ZBTB38: variants seen among roughly 807,000 people sequenced by gnomAD.
ZBTB38 encodes zinc finger and BTB domain-containing protein 38.
In ZBTB38, 20 loss-of-function variants were observed where a neutral mutation model predicts 76.8. That is an observed-to-expected ratio of 0.26 (90% confidence interval 0.18 to 0.38). The LOEUF is 0.38. ZBTB38 is among the 10% of genes least tolerant of loss of function. The pLI is 1.00. For synonymous variants in ZBTB38, 504 were observed against 544.2 expected, an observed-to-expected ratio of 0.93 and a Z score of 1.03; for missense variants, 1,082 against 1,482.3, an observed-to-expected ratio of 0.73 and a Z score of 4.43.
intron 2 of ZBTB38, among the ~76,000 whole-genome samples, chr3:141,376,882 G>A (rs13068065): frequency 0.31 from 47,265 of 152,072 alleles, 7,927 homozygotes; most frequent in African/African-American, 0.35. Context: ...AGATTGTTCA[G>A]TGGGTCCCAA....
At chr3:141,428,410 A>C (rs2076796515) in intron 5 of ZBTB38, among the ~76,000 whole-genome samples, 1 of 152,196 alleles carries the variant, frequency 6.6e-6, no homozygotes, top group Non-Finnish European at 1.5e-5. Flanking sequence ...CATCTGTACT[A>C]TGAGCATGTT....
At position 141,346,460 on chromosome 3, in the gene ZBTB38, A is replaced by AAATATATAAAAAAAAT. The variant is rs1488489796; in HGVS notation, c.-739+22004_-739+22005insAATATATAAAAAAAAT. 7.2e-5 allele frequency among the ~76,000 whole-genome samples: 11 copies of AAATATATAAAAAAAAT among 151,802 alleles called. No homozygotes were observed. The East Asian group carries it at 2.1e-3, about 29-fold the overall frequency. ...CTTTCTCCTTTCCTCCCTTCTACCC[A>AAATATATAAAAAAAAT]TTTTTGTTATAATTATTTAGAATTA... On this transcript the variant is annotated intron_variant, in intron 1 of 7. Transcript: ENST00000509842.
chr3:141,357,030 C>T (rs1943682551), intron 1 of ZBTB38, among the ~76,000 whole-genome samples: 1 of 151,984 alleles, frequency 6.6e-6, no homozygotes, highest in African/African-American at 2.4e-5. Context: ...TTATATAGAA[C>T]CAATTTGTTT....
intron 1 of ZBTB38, among the ~76,000 whole-genome samples, chr3:141,327,968 G>A (rs1284491855): frequency 6.6e-6 from 1 of 152,194 alleles, no homozygotes; most frequent in African/African-American, 2.4e-5. Context: ...TGCAGAACTA[G>A]GTCATGCCTC....
intron 1 of ZBTB38, among the ~76,000 whole-genome samples, chr3:141,330,565 G>A (rs1942817159): frequency 6.6e-6 from 1 of 152,180 alleles, no homozygotes. Flanking sequence ...CCTTGTTCAG[G>A]GACCTTGTGT....
chr3:141,367,919 G>C (rs1185781523), upstream of ZBTB38, among the ~76,000 whole-genome samples: 1 of 152,092 alleles, frequency 6.6e-6, no homozygotes, highest in East Asian at 1.9e-4. Context: ...CCCCTTTAAA[G>C]AGTGGTCATG....
At chr3:141,376,372 A>C (rs903461323) in intron 2 of ZBTB38, among the ~76,000 whole-genome samples, 5 of 152,158 alleles carry the variant, frequency 3.3e-5, no homozygotes, top group African/African-American at 1.2e-4. Context: ...GCCACCAGGG[A>C]ATTTTGTTGA....
At chr3:141,353,239 T>A (rs2148938302) in intron 1 of ZBTB38, among the ~76,000 whole-genome samples, 1 of 152,188 alleles carries the variant, frequency 6.6e-6, no homozygotes, top group African/African-American at 2.4e-5. Flanking sequence ...CCGCCTCCTC[T>A]TTCTTTCTCT....
In ZBTB38 at chr3:141,417,057, G is replaced by T. The variant is rs79778039; in HGVS notation, c.-1+13026G>T. On this transcript the variant is annotated intron_variant, in intron 5 of 5. Transcript: ENST00000321464. ...TTGATCCAGCAGCACAAGGGAGCTT[G>T]TTAGAAATGAGATTCTGGGGCCTTA... Among the ~76,000 whole-genome samples the T allele has an allele frequency of 8.0e-3, 1,222 of 152,324 alleles. 22 individuals are homozygous for T. Among genetic ancestry groups the T allele is most frequent in the African/African-American group, 0.027 (1,139 of 41,572 alleles).
At chr3:141,377,583 C>G (rs1398681090) in intron 2 of ZBTB38, among the ~76,000 whole-genome samples, 1 of 152,292 alleles carries the variant, frequency 6.6e-6, no homozygotes, top group East Asian at 1.9e-4. Context: ...ACCACGTGAT[C>G]CAGCAATCCT....
At chr3:141,329,997 A>G (rs770412787) in intron 1 of ZBTB38, among the ~76,000 whole-genome samples, 1 of 151,506 alleles carries the variant, frequency 6.6e-6, no homozygotes, top group Non-Finnish European at 1.5e-5. Context: ...TATATTGTAT[A>G]TATATATCAC....
In ZBTB38 at chr3:141,348,410, G is replaced by A. The variant is rs553675234; in HGVS notation, c.-738-20211G>A. On this transcript the variant is annotated intron_variant, in intron 1 of 7. Coordinates refer to the ZBTB38 transcript ENST00000509842. ...TACAGTAAAAGAAATGCTCATAATA[G>A]CTTTGGAACTTGGAAGTAATTATAT... Among the ~76,000 whole-genome samples, 3 of 152,298 alleles carry A rather than the reference G, an allele frequency of 2.0e-5. No individual in the cohort carries two copies. In the East Asian group the frequency reaches 5.8e-4, roughly 29 times the overall value.
At chr3:141,423,165 C>A (rs568831396) in intron 5 of ZBTB38, among the ~76,000 whole-genome samples, 1 of 152,274 alleles carries the variant, frequency 6.6e-6, no homozygotes, top group Non-Finnish European at 1.5e-5. Context: ...CTGAATCTCT[C>A]CAGGCCACTC....
At chr3:141,359,729 G>A (rs767700735) in intron 1 of ZBTB38, among the ~76,000 whole-genome samples, 12 of 152,256 alleles carry the variant, frequency 7.9e-5, no homozygotes, top group Admixed American at 5.2e-4. Context: ...CCAGGAGTTC[G>A]AGACTGGCCT....
upstream of ZBTB38, among the ~76,000 whole-genome samples, chr3:141,364,858 C>A (rs1943919363): frequency 6.6e-6 from 1 of 152,044 alleles, no homozygotes; most frequent in South Asian, 2.1e-4. Flanking sequence ...ATTGTACCCA[C>A]TAGGATGGCT....
chr3:141,374,347 G>A (rs966948559), intron 2 of ZBTB38, among the ~76,000 whole-genome samples: 1 of 152,100 alleles, frequency 6.6e-6, no homozygotes, highest in African/African-American at 2.4e-5. Flanking sequence ...ATTTAACCTG[G>A]GGTTCACTGA....
chr3:141,443,023 C>T lies in ZBTB38; in HGVS notation c.635C>T (p.Ala212Val). Reference sequence around the variant, plus strand: ...GAGAGGACGGACGTCTGCCACGAGGCAGAGCCTGTCCGCACACTTGCCGAG... The same window carrying T: ...GAGAGGACGGACGTCTGCCACGAGGTAGAGCCTGTCCGCACACTTGCCGAG... ...CLERTDVCHE[A>V]EPVRTLAEHS... The change falls in exon 6 of 6, where the codon GCA (alanine) becomes GTA (valine). Residue 212 changes from alanine to valine, a missense_variant. Ala to Val is a moderately conservative substitution (Grantham distance 64, BLOSUM62 0). Coordinates refer to ENST00000321464, the MANE Select transcript of ZBTB38 (RefSeq NM_001376113.1). This position sits in a 1 kb window ranked among gnomAD's most constrained non-coding sequence, Gnocchi z 5.6. 1.2e-6 allele frequency: 2 copies of T among 1,614,244 alleles called. No homozygotes were observed. Among genetic ancestry groups the T allele is most frequent in the Non-Finnish European group, 1.7e-6 (2 of 1,180,040 alleles).
intron 1 of ZBTB38, among the ~76,000 whole-genome samples, chr3:141,330,533 A>G (rs189278226): frequency 6.2e-4 from 94 of 152,352 alleles, no homozygotes; most frequent in African/African-American, 2.1e-3. Flanking sequence ...GAGGACCAGG[A>G]TGAGAGGGTG....
chr3:141,362,512 T>A (rs1943851821), intron 1 of ZBTB38, among the ~76,000 whole-genome samples: 1 of 152,244 alleles, frequency 6.6e-6, no homozygotes, highest in Non-Finnish European at 1.5e-5. Flanking sequence ...TATCAGACAT[T>A]GCACTAAGCA....
Sources: allele counts gnomAD v4.1 joint callset (sites outside exome capture counted in the v4.1 genomes callset), GRCh38; gene constraint gnomAD v4.1.1; non-coding constraint Gnocchi (gnomAD v3.1); transcripts MANE v1.5; gene names NCBI Gene and HGNC (gene_info 2026-07-23, HGNC 2026-07-21).